Variants in FAM171A1 observed in about 807,000 individuals in gnomAD.
FAM171A1 encodes family with sequence similarity 171 member A1.
In FAM171A1, 23 loss-of-function variants were observed where a neutral mutation model predicts 74.9. The ratio of observed to expected loss-of-function variants is 0.31; its 90% CI spans 0.22 to 0.44. FAM171A1 has a LOEUF of 0.44. FAM171A1 is among the 20% of genes least tolerant of loss of function. FAM171A1 has a pLI of 1.00. For missense variants in FAM171A1, 1,162 were observed against 1,159.2 expected (o/e 1.00, Z -0.03); for synonymous variants, 527 against 505.7 (o/e 1.04, Z -0.57).
chr10:15,232,543 T>C (rs1439941964), intron 5 of FAM171A1, among the ~76,000 whole-genome samples: 5 of 152,186 alleles, frequency 3.3e-5, no homozygotes, highest in Admixed American at 2.6e-4. Flanking sequence ...GATTTTTTTT[T>C]CCCTAAGTGA....
intron 1 of FAM171A1, among the ~76,000 whole-genome samples, chr10:15,296,799 T>A (rs1835166648): frequency 6.6e-6 from 1 of 152,154 alleles, no homozygotes; most frequent in Non-Finnish European, 1.5e-5. Flanking sequence ...TCTCTAGACA[T>A]CCATTTGAAT....
At chr10:15,296,181 C>T (rs1222790981) in intron 1 of FAM171A1, among the ~76,000 whole-genome samples, 1 of 152,144 alleles carries the variant, frequency 6.6e-6, no homozygotes, top group East Asian at 1.9e-4. Context: ...CTCTGTTACA[C>T]TGGAGTTTTC....
At chr10:15,252,874 AC>A (rs1834527717) in intron 4 of FAM171A1, among the ~76,000 whole-genome samples, 1 of 152,206 alleles carries the variant, frequency 6.6e-6, no homozygotes, top group Non-Finnish European at 1.5e-5. Flanking sequence ...TTCAAGAGCT[AC>A]TGGAAGTGGG....
intron 1 of FAM171A1, among the ~76,000 whole-genome samples, chr10:15,286,958 G>C (rs10906881): frequency 0.31 from 46,964 of 151,942 alleles, 8,848 homozygotes; most frequent in East Asian, 0.59. Context: ...CATACTATAG[G>C]AGAAAACTAA....
intron 5 of FAM171A1, among the ~76,000 whole-genome samples, chr10:15,243,456 G>T (rs1241665657): frequency 1.3e-5 from 2 of 152,122 alleles, no homozygotes; most frequent in African/African-American, 4.8e-5. Flanking sequence ...CTTTAAGTTT[G>T]TTATTTGTGA....
intron 5 of FAM171A1, among the ~76,000 whole-genome samples, chr10:15,224,007 A>G (rs1032837634): frequency 2.6e-5 from 4 of 152,262 alleles, no homozygotes; most frequent in African/African-American, 7.2e-5. Context: ...TGAGTCCCCA[A>G]GTTCACTCTG....
intron 1 of FAM171A1, among the ~76,000 whole-genome samples, chr10:15,337,968 C>A (rs920479424): frequency 6.6e-6 from 1 of 151,460 alleles, no homozygotes; most frequent in Non-Finnish European, 1.5e-5. Context: ...ACAAAAAAAA[C>A]CCTTTATCAA....
At chr10:15,285,674 C>G (rs1463906619) in intron 1 of FAM171A1, among the ~76,000 whole-genome samples, 1 of 152,214 alleles carries the variant, frequency 6.6e-6, no homozygotes, top group Non-Finnish European at 1.5e-5. Flanking sequence ...TGGTCACTTG[C>G]AGGCACCACA....
At chr10:15,311,519 T>A (rs1835359166) in intron 1 of FAM171A1, among the ~76,000 whole-genome samples, 1 of 152,208 alleles carries the variant, frequency 6.6e-6, no homozygotes, top group Admixed American at 6.5e-5. Context: ...ATTGCTCTCC[T>A]GGCATTAAAA....
chr10:15,283,101 C>A (rs1160591381), intron 2 of FAM171A1, among the ~76,000 whole-genome samples: 1 of 152,216 alleles, frequency 6.6e-6, no homozygotes, highest in Admixed American at 6.5e-5. Flanking sequence ...CCCCAAAGCT[C>A]TGTCCATCTT....
At chr10:15,227,098 C>T (rs1834118802) in intron 5 of FAM171A1, among the ~76,000 whole-genome samples, 1 of 152,136 alleles carries the variant, frequency 6.6e-6, no homozygotes, top group African/African-American at 2.4e-5. Context: ...CTCCTGGGTT[C>T]AAGTGATTCT....
intron 4 of FAM171A1, among the ~76,000 whole-genome samples, chr10:15,253,932 C>A (rs1834541799): frequency 1.3e-5 from 2 of 152,172 alleles, no homozygotes; most frequent in Non-Finnish European, 2.9e-5. Flanking sequence ...TTGGGTCTTT[C>A]TCTGATAAGG....
intron 1 of FAM171A1, 31 bp downstream of exon 1, chr10:15,370,924 CA>C: frequency 9.4e-7 from 1 of 1,063,300 alleles, no homozygotes; most frequent in Non-Finnish European, 1.2e-6. Context: ...CGGCGCGACA[CA>C]AAGCCCCCGG....
chr10:15,298,707 C>T (rs917544899), intron 1 of FAM171A1, among the ~76,000 whole-genome samples: 1 of 152,086 alleles, frequency 6.6e-6, no homozygotes, highest in Non-Finnish European at 1.5e-5. Context: ...AAGCTAATAT[C>T]TTCACTTTTC....
chr10:15,280,785 T>G (rs1264689503), intron 2 of FAM171A1, among the ~76,000 whole-genome samples: 1 of 152,234 alleles, frequency 6.6e-6, no homozygotes, highest in African/African-American at 2.4e-5. Flanking sequence ...TGCCCAGTTA[T>G]CTGCAATACC....
chr10:15,335,592 G>A (rs1244000862), intron 1 of FAM171A1, among the ~76,000 whole-genome samples: 3 of 152,208 alleles, frequency 2.0e-5, no homozygotes, highest in Non-Finnish European at 4.4e-5. Flanking sequence ...CAAATAGTGT[G>A]CTTCTATTTA....
At chr10:15,216,742 T>C (rs1174484108) in intron 6 of FAM171A1, among the ~76,000 whole-genome samples, 4 of 152,032 alleles carry the variant, frequency 2.6e-5, no homozygotes, top group South Asian at 2.1e-4. Flanking sequence ...CATATGATCT[T>C]TTCATACAAG....
chr10:15,243,307 C>T (rs11259573), intron 5 of FAM171A1, among the ~76,000 whole-genome samples: 11,140 of 152,160 alleles, frequency 0.073, 463 homozygotes, highest in Middle Eastern at 0.17. Flanking sequence ...TGGGCCCACC[C>T]AGAAAGTCCA....
chr10:15,350,793 C>A (rs1015911267), intron 1 of FAM171A1, among the ~76,000 whole-genome samples: 1 of 152,128 alleles, frequency 6.6e-6, no homozygotes, highest in Non-Finnish European at 1.5e-5. Flanking sequence ...CAGGTGTGTA[C>A]CACCACGCCT....
Sources: gnomAD v4.1 joint callset for allele counts (sites outside exome capture counted in the v4.1 genomes callset) on GRCh38, gnomAD v4.1.1 for gene constraint, MANE v1.5 for transcripts, NCBI Gene and HGNC (gene_info 2026-07-23, HGNC 2026-07-21) for gene names.